FBLN2: variants seen among roughly 807,000 people sequenced by gnomAD.
FBLN2 encodes the protein fibulin-2.
In FBLN2, 81 loss-of-function variants were observed where a neutral mutation model predicts 123.7. That is an observed-to-expected ratio of 0.65 (90% CI 0.55 to 0.79). The LOEUF (loss-of-function observed/expected upper bound fraction) is 0.79. FBLN2 is among the 30% of genes least tolerant of loss of function. FBLN2 has a pLI of 0.00. For missense variants in FBLN2, 1,603 were observed against 1,681.3 expected (o/e 0.95, Z 0.81); for synonymous variants, 699 against 701.4 (o/e 1.00, Z 0.05).
At chr3:13,577,242 G>A (rs951083739) in intron 2 of FBLN2, among the ~76,000 whole-genome samples, 1 of 140,530 alleles carries the variant, frequency 7.1e-6, no homozygotes, top group Non-Finnish European at 1.6e-5. Context: ...AAAAAAAAAA[G>A]CACAGTGAGA....
intron 1 of FBLN2, among the ~76,000 whole-genome samples, chr3:13,559,927 C>T (rs971106741): frequency 2.0e-5 from 3 of 152,022 alleles, no homozygotes; most frequent in Non-Finnish European, 2.9e-5. Context: ...CTTCTAGGGT[C>T]GGGTGGAGGG....
At chr3:13,588,071 G>T (rs1704563053) in intron 2 of FBLN2, among the ~76,000 whole-genome samples, 1 of 152,216 alleles carries the variant, frequency 6.6e-6, no homozygotes, top group Admixed American at 6.5e-5. Context: ...AATTAACTGA[G>T]ACCTGTCTCA....
chr3:13,567,323 G>T (rs1012418971), intron 1 of FBLN2, among the ~76,000 whole-genome samples: 1 of 152,164 alleles, frequency 6.6e-6, no homozygotes, highest in African/African-American at 2.4e-5. Flanking sequence ...GCACCTGAAG[G>T]CAGGAGGGCA....
intron 2 of FBLN2, among the ~76,000 whole-genome samples, chr3:13,601,479 T>G (rs1233700541): frequency 1.3e-5 from 2 of 152,174 alleles, no homozygotes; most frequent in Non-Finnish European, 2.9e-5. Context: ...TCTGGCATCC[T>G]GGGAGGTGGA....
chr3:13,576,697 G>A (rs1467099853), intron 2 of FBLN2, among the ~76,000 whole-genome samples: 3 of 149,718 alleles, frequency 2.0e-5, no homozygotes, highest in Admixed American at 6.6e-5. Context: ...AGGAATTACT[G>A]AGAGAAGGGG....
intron 2 of FBLN2, among the ~76,000 whole-genome samples, chr3:13,582,569 G>A (rs923914086): frequency 6.6e-6 from 1 of 152,176 alleles, no homozygotes; most frequent in African/African-American, 2.4e-5. Flanking sequence ...AGTGGGCTTG[G>A]GGCCAAGTTG....
intron 2 of FBLN2, among the ~76,000 whole-genome samples, chr3:13,581,490 G>A (rs1704326560): frequency 6.6e-6 from 1 of 152,098 alleles, no homozygotes; most frequent in Admixed American, 6.5e-5. Context: ...ATCAGACGTG[G>A]AGGCTGAGGT....
At chr3:13,625,144 G>A (rs1219431726) in intron 9 of FBLN2, among the ~76,000 whole-genome samples, 1 of 150,228 alleles carries the variant, frequency 6.7e-6, no homozygotes, top group Non-Finnish European at 1.5e-5. Context: ...TGGTTTCTGA[G>A]TTGGTGGCCT....
intron 2 of FBLN2, among the ~76,000 whole-genome samples, chr3:13,591,859 G>A (rs747935154): frequency 1.6e-4 from 25 of 152,080 alleles, no homozygotes; most frequent in Non-Finnish European, 2.5e-4. Flanking sequence ...TCTGTGTATG[G>A]TGTGAGTAGG....
chr3:13,600,065 TAGAG>T (rs149176892), intron 2 of FBLN2, among the ~76,000 whole-genome samples: 22 of 92,506 alleles, frequency 2.4e-4, no homozygotes, highest in South Asian at 1.6e-3. Context: ...GAGAGAGCGA[TAGAG>T]AGAGAGAGAG....
intron 5 of FBLN2, among the ~76,000 whole-genome samples, chr3:13,615,645 T>A (rs1043778326): frequency 5.3e-5 from 8 of 152,246 alleles, no homozygotes. Context: ...TGTCAAGGGC[T>A]TTTGGCAGTG....
rs775097816 is a variant in FBLN2, at chr3:13,629,865, C to T, written c.2888C>T (p.Thr963Met). The change falls in exon 14 of 18, where the codon ACG (threonine) becomes ATG (methionine). Residue 963 changes from threonine (T) to methionine (M), a missense_variant. Transcript: ENST00000404922. ...WASPGRLCQH[T>M]CENTLGSYRC... ...TCGCCAGGCCGCCTGTGCCAGCACA[C>T]GTGTGAGAACACACTCGGCTCCTAC... 3.9e-5 allele frequency: 63 copies of T among 1,595,038 alleles called. No homozygotes were observed. Among genetic ancestry groups the T allele is most frequent in the African/African-American group, 6.7e-5 (5 of 74,428 alleles).
chr3:13,606,330 A>G (rs1705202154), intron 2 of FBLN2, among the ~76,000 whole-genome samples: 2 of 152,358 alleles, frequency 1.3e-5, no homozygotes, highest in East Asian at 3.9e-4. Flanking sequence ...GCAGTCTATT[A>G]TATGTGTACA....
At chr3:13,625,870 C>G (rs1431873314) in intron 9 of FBLN2, among the ~76,000 whole-genome samples, 4 of 150,980 alleles carry the variant, frequency 2.6e-5, no homozygotes, top group Non-Finnish European at 5.9e-5. Flanking sequence ...TCTCCCTTCC[C>G]TCCCCTGCAG....
At chr3:13,549,318 G>C in intron 1 of FBLN2, 110 bp downstream of exon 1, 1 of 720,804 alleles carries the variant, frequency 1.4e-6, no homozygotes, top group Non-Finnish European at 1.7e-6. Flanking sequence ...ACCCTCGGAC[G>C]CGCCTCGCGG....
At chr3:13,620,647 T>C (rs1335052280) in intron 8 of FBLN2, among the ~76,000 whole-genome samples, 1 of 151,860 alleles carries the variant, frequency 6.6e-6, no homozygotes, top group African/African-American at 2.4e-5. Context: ...AGCTGAGAGG[T>C]CTCAAGACTC....
chr3:13,618,065 C>T lies in FBLN2; in HGVS notation c.1730-11C>T, dbSNP rs988631355. 1 of 1,612,282 alleles carries T rather than the reference C, an allele frequency of 6.2e-7. No homozygotes were observed. ...AGCTGGCTCTGTCTTGAGCTCTAACCCCTGTCCTAGTTTCAGAGGCAGAGA... is the reference window on the plus strand; with the variant it reads ...AGCTGGCTCTGTCTTGAGCTCTAACTCCTGTCCTAGTTTCAGAGGCAGAGA... On this transcript the variant is annotated splice_polypyrimidine_tract_variant and intron_variant, in intron 5 of 17. Coordinates refer to ENST00000404922, the MANE Select transcript of FBLN2 (RefSeq NM_001004019.2).
Position 13,612,210 on chromosome 3 carries a change from C to G in FBLN2, c.1549-1774C>G, listed in dbSNP as rs539053136. On this transcript the variant is annotated intron_variant, in intron 4 of 17. Transcript: ENST00000404922. ...AGGGTCTAGAAACGTTTAGAATCCC[C>G]TTTTCTGTCTTTATGTTTGACCCTG... Among the ~76,000 whole-genome samples, 26 of 152,200 alleles carry G rather than the reference C, an allele frequency of 1.7e-4. No individual in the cohort carries two copies. In the East Asian group the frequency reaches 4.8e-3, roughly 28 times the overall value.
intron 16 of FBLN2, among the ~76,000 whole-genome samples, chr3:13,634,091 C>G (rs1003825199): frequency 6.6e-6 from 1 of 152,200 alleles, no homozygotes; most frequent in Non-Finnish European, 1.5e-5. Context: ...GCAGCACTCT[C>G]GGTCTTGCCC....
Sources: gnomAD v4.1 joint callset for allele counts (sites outside exome capture counted in the v4.1 genomes callset) on GRCh38, gnomAD v4.1.1 for gene constraint, MANE v1.5 for transcripts, NCBI Gene and HGNC (gene_info 2026-07-23, HGNC 2026-07-21) for gene names.